Variants in CLVS1 observed in about 807,000 individuals in gnomAD.
The protein encoded by CLVS1 is clavesin-1.
Under a neutral mutation model 33.1 loss-of-function variants are expected in CLVS1, and 10 were observed. The observed-to-expected ratio is 0.30, with a 90% confidence interval of 0.19 to 0.51. The LOEUF is 0.51. Ranked by LOEUF, CLVS1 falls within the 20% of genes least tolerant of loss-of-function variation. CLVS1 has a pLI of 0.97. For missense variants in CLVS1, 343 were observed against 433.4 expected (o/e 0.79, Z 1.85); for synonymous variants, 163 against 166.1 (o/e 0.98, Z 0.14).
intron 2 of CLVS1, chr8:61,274,145 A>G (rs1249574678): frequency 6.6e-6 from 1 of 152,236 alleles, no homozygotes; most frequent in Non-Finnish European, 1.5e-5. Context: ...AACATTTCAC[A>G]TGGTATTAGG....
At chr8:61,493,488 G>A (rs1051308534) in intron 5 of CLVS1, among the ~76,000 whole-genome samples, 2 of 152,068 alleles carry the variant, frequency 1.3e-5, no homozygotes, top group African/African-American at 4.8e-5. Flanking sequence ...CAGCACCCAC[G>A]ATGTGGCCAC....
At position 61,361,669 on chromosome 8, in the gene CLVS1, G is replaced by C. The variant is rs1215144673; in HGVS notation, c.456-14936G>C. Among the ~76,000 whole-genome samples, 3 of 152,144 alleles carry C rather than the reference G, an allele frequency of 2.0e-5. No individual in the cohort carries two copies. The East Asian group carries it at 5.8e-4, about 29-fold the overall frequency. ...GTCTTGATTGCATTCACCTTATTAG[G>C]AGTTCCTTTATCTCATCCACCATGT... is the stretch of plus-strand genomic sequence containing the variant. On this transcript the variant is annotated intron_variant, in intron 2 of 5. Coordinates refer to ENST00000325897, the MANE Select transcript of CLVS1 (RefSeq NM_173519.3).
chr8:61,371,618 C>G (rs1813442969), intron 2 of CLVS1, among the ~76,000 whole-genome samples: 1 of 152,166 alleles, frequency 6.6e-6, no homozygotes. Flanking sequence ...TCTTATGAGT[C>G]TAGCACTGGG....
intron 2 of CLVS1, among the ~76,000 whole-genome samples, chr8:61,220,404 A>G (rs1808182727): frequency 1.3e-5 from 2 of 152,288 alleles, no homozygotes; most frequent in South Asian, 4.1e-4. Context: ...AGCACCATTT[A>G]CTGAATAGGA....
chr8:61,073,609 T>C (rs1804841933), intron 1 of CLVS1, among the ~76,000 whole-genome samples: 1 of 152,072 alleles, frequency 6.6e-6, no homozygotes, highest in Non-Finnish European at 1.5e-5. Context: ...ATAATAATAA[T>C]ATAATTTATT....
At chr8:61,407,755 C>A (rs1425641150) in intron 3 of CLVS1, among the ~76,000 whole-genome samples, 6 of 152,070 alleles carry the variant, frequency 3.9e-5, no homozygotes, top group Non-Finnish European at 8.8e-5. Context: ...TGAGAGAATT[C>A]TTTTTTAATT....
Position 61,476,968 on chromosome 8 carries a change from T to G in CLVS1, c.977+18426T>G, listed in dbSNP as rs150180763. On this transcript the variant is annotated intron_variant, in intron 5 of 5. Coordinates refer to ENST00000325897, the MANE Select transcript of CLVS1 (RefSeq NM_173519.3). Reference sequence around the variant, plus strand: ...ATAGCTCTTATTATTTTGAGATACATCCCATCAATACCTAATTTATTGAGA... The same window carrying G: ...ATAGCTCTTATTATTTTGAGATACAGCCCATCAATACCTAATTTATTGAGA... Among the ~76,000 whole-genome samples, 711 of 152,118 alleles carry G rather than the reference T, an allele frequency of 4.7e-3. 10 individuals are homozygous for G. The East Asian group carries it at 0.053, about 11-fold the overall frequency.
chr8:61,250,102 TAA>T (rs1365129887), intron 2 of CLVS1, among the ~76,000 whole-genome samples: 1 of 152,192 alleles, frequency 6.6e-6, no homozygotes, highest in African/African-American at 2.4e-5. Flanking sequence ...GTATAAGGTG[TAA>T]GGAAAGGGTC....
At chr8:61,286,196 T>A (rs1369530963), upstream of CLVS1, among the ~76,000 whole-genome samples, 1 of 152,140 alleles carries the variant, frequency 6.6e-6, no homozygotes, top group Non-Finnish European at 1.5e-5. Context: ...GTGTTCTACT[T>A]AGTCACCTGG....
chr8:61,350,782 G>A (rs1239366390), intron 2 of CLVS1, among the ~76,000 whole-genome samples: 5 of 152,196 alleles, frequency 3.3e-5, no homozygotes, highest in East Asian at 1.9e-4. Context: ...CCAGTCACCC[G>A]CACGGCAGCA....
intron 2 of CLVS1, among the ~76,000 whole-genome samples, chr8:61,224,423 C>A (rs535341485): frequency 1.3e-5 from 2 of 152,264 alleles, no homozygotes; most frequent in Admixed American, 1.3e-4. Flanking sequence ...ATAGTCAGGC[C>A]TCTCTTCTGT....
At chr8:61,045,462 T>C in the CLVS1 span, among the ~76,000 whole-genome samples, 1 of 152,170 alleles carries the variant, frequency 6.6e-6, no homozygotes, top group Non-Finnish European at 1.5e-5. Flanking sequence ...ATCTACCTAT[T>C]CTACCCCATG....
At chr8:61,380,127 C>T (rs915128763) in intron 3 of CLVS1, among the ~76,000 whole-genome samples, 2 of 152,174 alleles carry the variant, frequency 1.3e-5, no homozygotes, top group Admixed American at 6.5e-5. Context: ...TTCTGGATTA[C>T]TCACATTCCC....
At chr8:61,016,358 T>G in the CLVS1 span, among the ~76,000 whole-genome samples, 1 of 152,240 alleles carries the variant, frequency 6.6e-6, no homozygotes, top group South Asian at 2.1e-4. Context: ...AAGTGTCTTA[T>G]GGGTCATAAC....
At chr8:61,232,023 G>GTTTGTTTTTTTTTT in intron 2 of CLVS1, among the ~76,000 whole-genome samples, 7 of 62,656 alleles carry the variant, frequency 1.1e-4, no homozygotes, top group Admixed American at 1.7e-4. Flanking sequence ...GAAAGTTGTG[G>GTTTGTTTTTTTTTT]TTTTTTTTTT....
intron 3 of CLVS1, among the ~76,000 whole-genome samples, chr8:61,423,303 T>C (rs2129604729): frequency 6.6e-6 from 1 of 152,320 alleles, no homozygotes; most frequent in Non-Finnish European, 1.5e-5. Flanking sequence ...CAGAGTTTAG[T>C]GACACTAAAA....
intron 2 of CLVS1, among the ~76,000 whole-genome samples, chr8:61,222,893 A>C (rs1277919202): frequency 6.7e-6 from 1 of 149,546 alleles, no homozygotes; most frequent in Non-Finnish European, 1.5e-5. Context: ...CTTTTTGTTG[A>C]ATTGATTCCT....
At chr8:60,985,685 C>T in the CLVS1 span, among the ~76,000 whole-genome samples, 13 of 151,922 alleles carry the variant, frequency 8.6e-5, no homozygotes, top group African/African-American at 1.9e-4. Flanking sequence ...AGATTGAACC[C>T]GTGTAATTGT....
intron 3 of CLVS1, among the ~76,000 whole-genome samples, chr8:61,429,889 T>C (rs1231102563): frequency 6.6e-6 from 1 of 152,234 alleles, no homozygotes; most frequent in Non-Finnish European, 1.5e-5. Context: ...TACATGATTT[T>C]ATTAGTAATA....
Sources: allele counts gnomAD v4.1 joint callset (sites outside exome capture counted in the v4.1 genomes callset), GRCh38; gene constraint gnomAD v4.1.1; transcripts MANE v1.5; gene names NCBI Gene and HGNC (gene_info 2026-07-23, HGNC 2026-07-21).